Variants in RSRC1 observed in about 807,000 individuals in gnomAD.
RSRC1 encodes serine/Arginine-related protein 53.
RSRC1 carries 39 observed loss-of-function variants against 49.1 expected under a neutral mutation model. The observed-to-expected ratio is 0.79, with a 90% CI of 0.61 to 1.04. RSRC1 has a LOEUF of 1.04. RSRC1 is among the 50% of genes least tolerant of loss of function. The probability of loss-of-function intolerance (pLI) is 0.00; values close to 1 mark genes in which losing one functional copy is unlikely to be tolerated. For synonymous variants in RSRC1, 143 were observed against 130.8 expected, an observed-to-expected ratio of 1.09 and a Z score of -0.63; for missense variants, 388 against 402.4, an observed-to-expected ratio of 0.96 and a Z score of 0.31.
At chr3:158,487,946 CAAGA>C (rs1432114587) in intron 7 of RSRC1, among the ~76,000 whole-genome samples, 1 of 11,478 alleles carries the variant, frequency 8.7e-5, no homozygotes, top group Admixed American at 1.3e-3. Context: ...GACTCCATCT[CAAGA>C]AAAAAAAAAA....
chr3:158,152,981 A>G (rs1717640021), intron 3 of RSRC1, among the ~76,000 whole-genome samples: 2 of 152,232 alleles, frequency 1.3e-5, no homozygotes, highest in African/African-American at 2.4e-5. Flanking sequence ...AAAGATGCCT[A>G]AGTGGGCACT....
chr3:158,333,713 A>AT (rs1729694208), intron 5 of RSRC1, among the ~76,000 whole-genome samples: 1 of 152,238 alleles, frequency 6.6e-6, no homozygotes, highest in African/African-American at 2.4e-5. Flanking sequence ...GATAGAAATT[A>AT]TAACTTGGAA....
intron 6 of RSRC1, among the ~76,000 whole-genome samples, chr3:158,412,025 T>C (rs1405225047): frequency 6.6e-6 from 1 of 152,204 alleles, no homozygotes; most frequent in East Asian, 1.9e-4. Flanking sequence ...ATCTTTGTTA[T>C]CTGCCATTTT....
At chr3:158,302,396 T>C (rs1329348660) in intron 5 of RSRC1, among the ~76,000 whole-genome samples, 1 of 152,168 alleles carries the variant, frequency 6.6e-6, no homozygotes, top group African/African-American at 2.4e-5. Flanking sequence ...TATAATGTTG[T>C]GCTTAATTAG....
chr3:158,361,392 G>A (rs1731461673), intron 6 of RSRC1, among the ~76,000 whole-genome samples: 1 of 152,144 alleles, frequency 6.6e-6, no homozygotes, highest in Non-Finnish European at 1.5e-5. Flanking sequence ...AGCCACAGAG[G>A]CTCTGGGCCT....
chr3:158,267,858 C>CTTTTTTTTTTTT (rs377128391), intron 4 of RSRC1, among the ~76,000 whole-genome samples: 3 of 91,222 alleles, frequency 3.3e-5, no homozygotes, highest in Non-Finnish European at 4.3e-5. Flanking sequence ...GTTTCCATAT[C>CTTTTTTTTTTTT]TATTTTTTTT....
chr3:158,350,808 C>A (rs1336631751), intron 5 of RSRC1, among the ~76,000 whole-genome samples: 2 of 151,860 alleles, frequency 1.3e-5, no homozygotes, highest in Non-Finnish European at 2.9e-5. Context: ...AGATTAATAC[C>A]ATTTACGAAT....
chr3:158,460,664 GTCA>G (rs1232089738), intron 6 of RSRC1, among the ~76,000 whole-genome samples: 1 of 151,754 alleles, frequency 6.6e-6, no homozygotes, highest in East Asian at 1.9e-4. Context: ...CAATTCATAT[GTCA>G]TCATTTAAAT....
intron 6 of RSRC1, among the ~76,000 whole-genome samples, chr3:158,390,299 C>T (rs1733203022): frequency 6.6e-6 from 1 of 152,134 alleles, no homozygotes; most frequent in South Asian, 2.1e-4. Flanking sequence ...GAGCCTGGCC[C>T]AGTCTAGGTT....
intron 7 of RSRC1, among the ~76,000 whole-genome samples, chr3:158,526,003 G>T (rs1712003262): frequency 6.6e-6 from 1 of 151,906 alleles, no homozygotes; most frequent in South Asian, 2.1e-4. Context: ...TCACCAAATT[G>T]TATGCTTTGA....
intron 6 of RSRC1, among the ~76,000 whole-genome samples, chr3:158,425,889 G>A (rs767517228): frequency 3.3e-5 from 5 of 151,596 alleles, no homozygotes; most frequent in Admixed American, 6.6e-5. Flanking sequence ...AAAGAGGAGC[G>A]GTGGAGATTT....
intron 3 of RSRC1, among the ~76,000 whole-genome samples, chr3:158,169,306 G>A (rs1718725874): frequency 6.6e-6 from 1 of 152,104 alleles, no homozygotes; most frequent in African/African-American, 2.4e-5. Flanking sequence ...AAACTGAATT[G>A]TGCATATGCA....
At chr3:158,527,817 T>C (rs947008893) in intron 7 of RSRC1, among the ~76,000 whole-genome samples, 1 of 151,996 alleles carries the variant, frequency 6.6e-6, no homozygotes, top group East Asian at 1.9e-4. Flanking sequence ...TTAGCCACAA[T>C]TAATATTCCT....
chr3:158,455,594 C>A (rs929342339), intron 6 of RSRC1, among the ~76,000 whole-genome samples: 1 of 152,030 alleles, frequency 6.6e-6, no homozygotes, highest in South Asian at 2.1e-4. Flanking sequence ...CTGATTAGCC[C>A]CTTGTCACCT....
At chr3:158,324,737 G>A (rs1413515496) in intron 5 of RSRC1, among the ~76,000 whole-genome samples, 1 of 151,978 alleles carries the variant, frequency 6.6e-6, no homozygotes, top group Non-Finnish European at 1.5e-5. Flanking sequence ...TAATCCTTTG[G>A]GTATATACCC....
intron 5 of RSRC1, among the ~76,000 whole-genome samples, chr3:158,332,817 A>ACCCC (rs1271057685): frequency 6.6e-6 from 1 of 151,922 alleles, no homozygotes; most frequent in Non-Finnish European, 1.5e-5. Context: ...CATTTTACAT[A>ACCCC]GTTTTGTAGT....
intron 5 of RSRC1, among the ~76,000 whole-genome samples, chr3:158,324,877 A>C (rs911555213): frequency 1.3e-5 from 2 of 152,168 alleles, no homozygotes; most frequent in African/African-American, 4.8e-5. Flanking sequence ...ATTTCTCCAC[A>C]TCCTCTCCAG....
intron 2 of RSRC1, among the ~76,000 whole-genome samples, chr3:158,122,933 T>C (rs1578106030): frequency 8.5e-5 from 13 of 152,232 alleles, no homozygotes; most frequent in Admixed American, 8.5e-4. Context: ...GGCTGCGTAG[T>C]ATTCCATGGT....
At chr3:158,498,433 T>G (rs143846867) in intron 7 of RSRC1, among the ~76,000 whole-genome samples, 78 of 152,266 alleles carry the variant, frequency 5.1e-4, no homozygotes, top group African/African-American at 1.8e-3. Flanking sequence ...TTTTGTTTTC[T>G]TACTGATTTG....
Sources: gnomAD v4.1 joint callset for allele counts (sites outside exome capture counted in the v4.1 genomes callset) on GRCh38, gnomAD v4.1.1 for gene constraint, MANE v1.5 for transcripts, NCBI Gene and HGNC (gene_info 2026-07-23, HGNC 2026-07-21) for gene names.